BTG4: variants seen among roughly 807,000 people sequenced by gnomAD.
BTG4 encodes protein BTG4.
Under a neutral mutation model 19.3 loss-of-function variants are expected in BTG4, and 10 were observed. The observed-to-expected ratio is 0.52, with a 90% CI of 0.32 to 0.88. The LOEUF (loss-of-function observed/expected upper bound fraction) is 0.88. Ranked by LOEUF, BTG4 falls within the 40% of genes least tolerant of loss-of-function variation. The pLI is 0.04. For synonymous variants in BTG4, 91 were observed against 95.7 expected (o/e 0.95, Z 0.29); for missense variants, 238 against 281.9 (o/e 0.84, Z 1.11).
the BTG4 span, among the ~76,000 whole-genome samples, chr11:111,389,356 C>T: frequency 1.3e-5 from 2 of 151,872 alleles, no homozygotes; most frequent in African/African-American, 4.8e-5. Flanking sequence ...TTTTAGACAC[C>T]TTGAAGGTCC....
At chr11:111,462,435 T>C in the BTG4 span, 4 of 152,230 alleles carry the variant, frequency 2.6e-5, no homozygotes, top group Admixed American at 2.0e-4. Context: ...TCTCTCAAGG[T>C]GGGAAAGCAT....
the BTG4 span, among the ~76,000 whole-genome samples, chr11:111,431,174 T>C: frequency 1.3e-5 from 2 of 152,224 alleles, no homozygotes; most frequent in Non-Finnish European, 2.9e-5. Context: ...CAGTATTGTA[T>C]TGAGAGGTGA....
At chr11:111,483,925 T>A (rs989190256) in intron 5 of BTG4, among the ~76,000 whole-genome samples, 1 of 152,076 alleles carries the variant, frequency 6.6e-6, no homozygotes, top group African/African-American at 2.4e-5. Flanking sequence ...TCTCAAGGTA[T>A]ACAATAATGA....
At position 111,498,519 on chromosome 11, in the gene BTG4, G is replaced by A. The variant is rs186407935; in HGVS notation, c.173+85C>T. ...ATAAAACTTTTGTTACTTATATGCA[G>A]AAAACAAGATCACTCCATTTTCCTA... is the stretch of plus-strand genomic sequence containing the variant. On this transcript the variant is annotated intron_variant, in intron 2 of 4. Transcript: ENST00000692032. 12 of 1,261,714 alleles carry A rather than the reference G, an allele frequency of 9.5e-6. No individual in the cohort carries two copies. The Admixed American group carries it at 2.5e-4, about 26-fold the overall frequency. 78.2% of individuals were successfully genotyped at this position (1,261,714 alleles called of 1,614,324 possible). A position where few individuals can be genotyped will look rare whatever the true frequency, so the allele number is the denominator to read the frequency against.
At chr11:111,486,078 A>C (rs543993072) in intron 5 of BTG4, among the ~76,000 whole-genome samples, 5 of 152,338 alleles carry the variant, frequency 3.3e-5, no homozygotes, top group Admixed American at 6.5e-5. Flanking sequence ...ACAAGTAATG[A>C]GATAGAAAGC....
At chr11:111,490,212 G>A (rs1374371885), downstream of BTG4, among the ~76,000 whole-genome samples, 2 of 151,844 alleles carry the variant, frequency 1.3e-5, no homozygotes, top group Admixed American at 6.6e-5. Flanking sequence ...GGTAGAGGTT[G>A]CAGGGAGCTG....
intron 5 of BTG4, among the ~76,000 whole-genome samples, chr11:111,485,299 T>C (rs1565454155): frequency 6.6e-6 from 1 of 152,188 alleles, no homozygotes; most frequent in Admixed American, 6.6e-5. Flanking sequence ...TGCTGCAGAA[T>C]ACCCATTCTT....
At chr11:111,503,604 C>G (rs1866242697) in intron 1 of BTG4, among the ~76,000 whole-genome samples, 1 of 152,094 alleles carries the variant, frequency 6.6e-6, no homozygotes, top group South Asian at 2.1e-4. Context: ...GGGATTATGT[C>G]TGGGCGAAGA....
the BTG4 span, among the ~76,000 whole-genome samples, chr11:111,409,937 T>C: frequency 6.6e-6 from 1 of 152,204 alleles, no homozygotes; most frequent in Non-Finnish European, 1.5e-5. Context: ...TGTCACATAC[T>C]TGGGGAAGTG....
chr11:111,442,093 A>G, the BTG4 span, among the ~76,000 whole-genome samples: 1 of 152,094 alleles, frequency 6.6e-6, no homozygotes, highest in Non-Finnish European at 1.5e-5. Context: ...TGAGTTGAAC[A>G]TAAGAGACCA....
At chr11:111,463,889 G>A (rs550885082), downstream of BTG4, among the ~76,000 whole-genome samples, 1 of 152,260 alleles carries the variant, frequency 6.6e-6, no homozygotes, top group South Asian at 2.1e-4. Flanking sequence ...CCTGCTGTTG[G>A]CCAGAGACAA....
At chr11:111,489,232 G>T (rs933599150) in intron 5 of BTG4, among the ~76,000 whole-genome samples, 1 of 151,878 alleles carries the variant, frequency 6.6e-6, no homozygotes, top group Non-Finnish European at 1.5e-5. Context: ...ACTACAATGA[G>T]ATATCATCTC....
At chr11:111,513,641 AG>A (rs1255638031), upstream of BTG4, 1 of 380,570 alleles carries the variant, frequency 2.6e-6, no homozygotes, top group Admixed American at 3.0e-5. Context: ...TCAACATTTC[AG>A]CTACTAAGTT....
At position 111,509,902 on chromosome 11, in the gene BTG4, T is replaced by C. The variant is rs531495996; in HGVS notation, c.-27+2279A>G. ...TTGTCTCCATCTTTTTTTTTCTTTT[T>C]TCTTTTTTCTTTTTTTTTTTTTTTT... is the stretch of plus-strand genomic sequence containing the variant. On this transcript the variant is annotated intron_variant, in intron 1 of 4. Transcript: ENST00000692032. 4.7e-5 allele frequency among the ~76,000 whole-genome samples: 7 copies of C among 149,714 alleles called. No individual in the cohort carries two copies. The East Asian group carries it at 9.7e-4, about 21-fold the overall frequency.
At position 111,499,906 on chromosome 11, in the gene BTG4, C is replaced by T. The variant is rs572920791; in HGVS notation, c.-26-1104G>A. On this transcript the variant is annotated intron_variant, in intron 1 of 4. Transcript: ENST00000692032. ...CCTATAATCCCAACACTTTGGAAGGCCGAGGCAGGTGGATCACCTGAGGTC... is the reference window on the plus strand; with the variant it reads ...CCTATAATCCCAACACTTTGGAAGGTCGAGGCAGGTGGATCACCTGAGGTC... Among the ~76,000 whole-genome samples the T allele has an allele frequency of 9.9e-5, 15 of 152,218 alleles. 1 individual carries two copies. The East Asian group carries it at 2.5e-3, about 26-fold the overall frequency.
chr11:111,486,008 T>C (rs1444387916), intron 5 of BTG4, among the ~76,000 whole-genome samples: 2 of 152,194 alleles, frequency 1.3e-5, no homozygotes, highest in Non-Finnish European at 2.9e-5. Context: ...GATAAATTCT[T>C]AGACATACAA....
intron 1 of BTG4, among the ~76,000 whole-genome samples, chr11:111,504,644 A>T (rs1265001489): frequency 6.6e-6 from 1 of 152,088 alleles, no homozygotes. Context: ...GAAAAAAATA[A>T]AAGGCATCTG....
the BTG4 span, among the ~76,000 whole-genome samples, chr11:111,411,527 C>T: frequency 1.1e-4 from 17 of 152,202 alleles, no homozygotes; most frequent in African/African-American, 4.1e-4. Flanking sequence ...TTTCTAATCC[C>T]TTAACGTGCT....
intron 2 of BTG4, among the ~76,000 whole-genome samples, 194 bp from the exon 3 acceptor site, chr11:111,498,329 T>C (rs542129996): frequency 4.1e-4 from 62 of 152,310 alleles, no homozygotes; most frequent in African/African-American, 1.4e-3. Context: ...AGAATGTATG[T>C]TGCATCACTA....
Sources: gnomAD v4.1 joint callset for allele counts (sites outside exome capture counted in the v4.1 genomes callset) on GRCh38, gnomAD v4.1.1 for gene constraint, MANE v1.5 for transcripts, NCBI Gene and HGNC (gene_info 2026-07-23, HGNC 2026-07-21) for gene names.